Variants in EPHA6 observed in about 807,000 individuals in gnomAD.
EPHA6 encodes the protein ephrin type-A receptor 6.
A neutral mutation model predicts 112.0 loss-of-function variants in EPHA6; 50 were observed. That is an observed-to-expected ratio of 0.45 (90% CI 0.36 to 0.56). The LOEUF (loss-of-function observed/expected upper bound fraction) is 0.56. Among genes scored for constraint, EPHA6 ranks in the 20% least tolerant of loss-of-function variants. EPHA6 has a pLI of 0.00. For missense variants in EPHA6, 1,280 were observed against 1,417.4 expected (o/e 0.90, Z 1.56); for synonymous variants, 529 against 490.7 (o/e 1.08, Z -1.03).
At chr3:97,423,907 C>T (rs568661918) in intron 6 of EPHA6, among the ~76,000 whole-genome samples, 1 of 152,282 alleles carries the variant, frequency 6.6e-6, no homozygotes, top group East Asian at 1.9e-4. Context: ...GGGGAAAGGA[C>T]TCTCTATTCA....
In EPHA6 at chr3:97,358,801, CT is replaced by C. The variant is rs1192592780; in HGVS notation, c.1607-46345del. ...CTGGGAATATTTAATTTCTCCCTTA[CT>C]TTTGAAGGACACTTTTGTCAGATAT... is the stretch of plus-strand genomic sequence containing the variant. On this transcript the variant is annotated intron_variant, in intron 5 of 17. Transcript: ENST00000389672. 5.3e-5 allele frequency among the ~76,000 whole-genome samples: 8 copies of C among 152,168 alleles called. No individual in the cohort carries two copies. The South Asian group carries it at 1.7e-3, about 32-fold the overall frequency.
chr3:96,816,666 A>T (rs948972332), intron 1 of EPHA6, among the ~76,000 whole-genome samples: 3 of 152,092 alleles, frequency 2.0e-5, no homozygotes, highest in Non-Finnish European at 4.4e-5. Flanking sequence ...TCCCCAAACA[A>T]TGTTTATTTA....
chr3:97,439,841 T>G (rs891674604), intron 6 of EPHA6, among the ~76,000 whole-genome samples: 14 of 152,290 alleles, frequency 9.2e-5, no homozygotes, highest in African/African-American at 3.4e-4. Flanking sequence ...AGAATCAGTG[T>G]GAGCTGAAAG....
At chr3:97,477,713 C>T (rs1176610325) in intron 8 of EPHA6, among the ~76,000 whole-genome samples, 1 of 152,096 alleles carries the variant, frequency 6.6e-6, no homozygotes, top group Non-Finnish European at 1.5e-5. Context: ...CTGTATATTC[C>T]TTACCCTCTA....
chr3:96,976,217 G>A (rs1398116767), intron 2 of EPHA6, among the ~76,000 whole-genome samples: 1 of 152,052 alleles, frequency 6.6e-6, no homozygotes, highest in Non-Finnish European at 1.5e-5. Context: ...ATATAGCTTA[G>A]TTTTATAAAT....
chr3:97,640,211 G>C (rs1260779195), intron 14 of EPHA6, among the ~76,000 whole-genome samples: 2 of 152,050 alleles, frequency 1.3e-5, no homozygotes, highest in African/African-American at 2.4e-5. Context: ...AATCTTAGGA[G>C]AATTTATTAC....
At chr3:97,075,248 C>T (rs1258873030) in intron 3 of EPHA6, among the ~76,000 whole-genome samples, 2 of 151,836 alleles carry the variant, frequency 1.3e-5, no homozygotes, top group Admixed American at 1.3e-4. Context: ...TTGTTTTTGT[C>T]AATTTGAATT....
chr3:97,299,518 T>C (rs1011200989), intron 5 of EPHA6, among the ~76,000 whole-genome samples: 1 of 152,164 alleles, frequency 6.6e-6, no homozygotes, highest in Non-Finnish European at 1.5e-5. Context: ...CTAGAAGTTC[T>C]GAAGCAGCTA....
chr3:97,584,173 G>T (rs1473580960), intron 11 of EPHA6, among the ~76,000 whole-genome samples: 6 of 152,268 alleles, frequency 3.9e-5, no homozygotes, highest in Non-Finnish European at 8.8e-5. Context: ...AACTACCTTT[G>T]TATTGTTCAT....
intron 2 of EPHA6, among the ~76,000 whole-genome samples, chr3:96,881,977 GC>G (rs1409829581): frequency 6.6e-6 from 1 of 152,186 alleles, no homozygotes; most frequent in Non-Finnish European, 1.5e-5. Flanking sequence ...GGGCAGCTCT[GC>G]CCCTGTGGCT....
At chr3:97,284,359 G>C (rs2080392974) in intron 5 of EPHA6, among the ~76,000 whole-genome samples, 1 of 152,086 alleles carries the variant, frequency 6.6e-6, no homozygotes. Context: ...AGAAAGGCTT[G>C]TTAGTTTAAG....
chr3:97,244,175 C>T lies in EPHA6; in HGVS notation c.1494C>T (p.Asp498=). 6.2e-7 allele frequency: 1 copy of T among 1,613,174 alleles called. No individual in the cohort carries two copies. Among genetic ancestry groups the T allele is most frequent in the Non-Finnish European group, 8.5e-7 (1 of 1,179,398 alleles). Residue 498 remains aspartate (D), a synonymous_variant, in exon 5 of 18, where the codon GAC becomes GAT. Coordinates refer to ENST00000389672, the MANE Select transcript of EPHA6 (RefSeq NM_001080448.3). ...TCAACAATTCCGTGATAGTACTTGA[C>T]TTTGTGTCTCACGTGAATTACACCT... The part of the protein sequence containing the change: ...GLINNSVIVL[D]FVSHVNYTFE...
chr3:97,287,097 C>G lies in EPHA6; in HGVS notation c.1606+42810C>G, dbSNP rs145588866. ...TGATTTTTGTATGTTGATTTTATAT[C>G]CTGCAACTTTACTGAATTTATTTAT... On this transcript the variant is annotated intron_variant, in intron 5 of 17. Coordinates refer to ENST00000389672, the MANE Select transcript of EPHA6 (RefSeq NM_001080448.3). Among the ~76,000 whole-genome samples, 9 of 151,510 alleles carry G rather than the reference C, an allele frequency of 5.9e-5. No individual in the cohort carries two copies. In the South Asian group the frequency reaches 1.7e-3, roughly 28 times the overall value.
chr3:96,835,796 C>A (rs1032795251), intron 1 of EPHA6, among the ~76,000 whole-genome samples: 3 of 152,026 alleles, frequency 2.0e-5, no homozygotes, highest in Admixed American at 1.3e-4. Context: ...CTTGTGAAGA[C>A]TCTTAATTAT....
At chr3:97,428,419 A>T (rs927771324) in intron 6 of EPHA6, among the ~76,000 whole-genome samples, 1 of 152,188 alleles carries the variant, frequency 6.6e-6, no homozygotes, top group African/African-American at 2.4e-5. Flanking sequence ...TTCAGAATTT[A>T]TATCACTTTA....
At chr3:97,671,173 C>T (rs2030778615) in intron 14 of EPHA6, among the ~76,000 whole-genome samples, 1 of 152,150 alleles carries the variant, frequency 6.6e-6, no homozygotes, top group Admixed American at 6.5e-5. Context: ...CTTGGCCGGT[C>T]TGTATCACAA....
At chr3:97,136,052 G>A (rs901745761) in intron 3 of EPHA6, among the ~76,000 whole-genome samples, 4 of 152,108 alleles carry the variant, frequency 2.6e-5, no homozygotes, top group Admixed American at 1.3e-4. Context: ...AACCCTCAAA[G>A]GAGGTTAAAG....
intron 3 of EPHA6, among the ~76,000 whole-genome samples, chr3:97,126,518 A>C (rs993122412): frequency 6.6e-6 from 1 of 152,200 alleles, no homozygotes; most frequent in Non-Finnish European, 1.5e-5. Context: ...CCAAATAATT[A>C]CATGAAGAAG....
intron 14 of EPHA6, among the ~76,000 whole-genome samples, chr3:97,675,935 A>G (rs1424752104): frequency 6.6e-6 from 1 of 152,168 alleles, no homozygotes; most frequent in Non-Finnish European, 1.5e-5. Flanking sequence ...TTCCTATTGC[A>G]TTGGATGTGA....
Sources: allele counts gnomAD v4.1 joint callset (sites outside exome capture counted in the v4.1 genomes callset), GRCh38; gene constraint gnomAD v4.1.1; transcripts MANE v1.5; gene names NCBI Gene and HGNC (gene_info 2026-07-23, HGNC 2026-07-21).